Variants in CACNA2D3 observed in about 807,000 individuals in gnomAD.
The protein encoded by CACNA2D3 is calcium voltage-gated channel auxiliary subunit alpha2delta 3.
A neutral mutation model predicts 160.6 loss-of-function variants in CACNA2D3; 60 were observed. The ratio of observed to expected loss-of-function variants is 0.37; its 90% CI spans 0.30 to 0.46. The LOEUF (loss-of-function observed/expected upper bound fraction) is 0.46, where lower values mean the gene tolerates loss of function less well. Among genes scored for constraint, CACNA2D3 ranks in the 20% least tolerant of loss-of-function variants. The probability of loss-of-function intolerance (pLI) is 1.00; values close to 1 mark genes in which losing one functional copy is unlikely to be tolerated. For missense variants in CACNA2D3, 1,205 were observed against 1,365.0 expected (o/e 0.88, Z 1.85); for synonymous variants, 558 against 492.9 (o/e 1.13, Z -1.75).
rs975067182 is a variant in CACNA2D3 at position 54,655,142 on chromosome 3, A to G, written c.1167+12901A>G. 2.0e-5 allele frequency among the ~76,000 whole-genome samples: 3 copies of G among 152,168 alleles called. 1 individual carries two copies. Among genetic ancestry groups the G allele is most frequent in the Non-Finnish European group, 4.4e-5 (3 of 68,034 alleles). ...CTGCATGAATTCTGTATTATTTGCA[A>G]TCTACTGATATGTCAAGTTCTTATT... On this transcript the variant is annotated intron_variant, in intron 11 of 37. Transcript: ENST00000474759.
intron 13 of CACNA2D3, among the ~76,000 whole-genome samples, chr3:54,770,892 A>G (rs1702308162): frequency 6.6e-6 from 1 of 152,228 alleles, no homozygotes; most frequent in Non-Finnish European, 1.5e-5. Flanking sequence ...AAAGACTGTA[A>G]AGAAAGTTGC....
intron 2 of CACNA2D3, among the ~76,000 whole-genome samples, chr3:54,158,101 G>A (rs767155206): frequency 6.6e-6 from 1 of 152,216 alleles, no homozygotes; most frequent in Non-Finnish European, 1.5e-5. Context: ...GGTTCCTTCA[G>A]TCTGGCTACT....
At chr3:54,933,672 A>G (rs976063847) in intron 27 of CACNA2D3, among the ~76,000 whole-genome samples, 7 of 152,188 alleles carry the variant, frequency 4.6e-5, no homozygotes, top group African/African-American at 1.7e-4. Flanking sequence ...TTAAGTTTCA[A>G]ATGACCTGTT....
chr3:54,816,736 G>T, intron 13 of CACNA2D3, 117 bp from the exon 14 acceptor site: 3 of 1,089,786 alleles, frequency 2.8e-6, no homozygotes, highest in Non-Finnish European at 4.0e-6. Flanking sequence ...TTTTTCACTT[G>T]TCTCCCCATT....
At chr3:55,015,448 T>C (rs1358883390) in intron 34 of CACNA2D3, among the ~76,000 whole-genome samples, 1 of 152,248 alleles carries the variant, frequency 6.6e-6, no homozygotes, top group Admixed American at 6.5e-5. Flanking sequence ...GGACAGCATC[T>C]GGAACGCAGC....
intron 4 of CACNA2D3, among the ~76,000 whole-genome samples, chr3:54,497,409 A>G (rs904414787): frequency 1.3e-5 from 2 of 151,912 alleles, no homozygotes; most frequent in Non-Finnish European, 2.9e-5. Flanking sequence ...TTCCAGTTCA[A>G]TTTCCAACTG....
At chr3:54,530,044 C>G (rs1041428917) in intron 5 of CACNA2D3, among the ~76,000 whole-genome samples, 4 of 152,182 alleles carry the variant, frequency 2.6e-5, no homozygotes, top group Non-Finnish European at 4.4e-5. Flanking sequence ...TTCTAAGCAG[C>G]TTGCAGGAAA....
At chr3:54,405,424 G>A (rs1699557789) in intron 4 of CACNA2D3, among the ~76,000 whole-genome samples, 1 of 151,958 alleles carries the variant, frequency 6.6e-6, no homozygotes, top group African/African-American at 2.4e-5. Context: ...CCAAACATAT[G>A]TGGTCAACTA....
chr3:54,793,106 G>C (rs74815087), intron 13 of CACNA2D3, among the ~76,000 whole-genome samples: 3,127 of 152,314 alleles, frequency 0.021, 118 homozygotes, highest in African/African-American at 0.071. Context: ...TTTGTATAAA[G>C]AGGAAAAGGA....
chr3:54,284,286 TAAATTAAAA>T (rs1187454737), intron 2 of CACNA2D3, among the ~76,000 whole-genome samples: 7 of 151,306 alleles, frequency 4.6e-5, no homozygotes, highest in African/African-American at 1.4e-4. Context: ...AAAATAAAAT[TAAATTAAAA>T]AAATTAAAAA....
At chr3:54,797,428 T>A (rs1328374669) in intron 13 of CACNA2D3, among the ~76,000 whole-genome samples, 3 of 152,166 alleles carry the variant, frequency 2.0e-5, no homozygotes, top group Non-Finnish European at 4.4e-5. Context: ...TGTGATTAAC[T>A]ATCTTTAGGG....
chr3:54,215,155 T>A (rs1701438163), intron 2 of CACNA2D3, among the ~76,000 whole-genome samples: 1 of 152,224 alleles, frequency 6.6e-6, no homozygotes, highest in South Asian at 2.1e-4. Flanking sequence ...AGAAAAGTTC[T>A]GTCCCCATTT....
intron 4 of CACNA2D3, among the ~76,000 whole-genome samples, chr3:54,431,725 A>T (rs982132235): frequency 6.6e-6 from 1 of 152,108 alleles, no homozygotes; most frequent in African/African-American, 2.4e-5. Context: ...CTTGTGCCTT[A>T]GCCTCCAGAG....
intron 27 of CACNA2D3, among the ~76,000 whole-genome samples, chr3:54,913,424 A>G (rs1700598600): frequency 1.3e-5 from 2 of 152,126 alleles, no homozygotes; most frequent in African/African-American, 4.8e-5. Context: ...AATGGGAAAT[A>G]CTTATTGGCT....
At chr3:54,536,685 A>G (rs1351327149) in intron 5 of CACNA2D3, among the ~76,000 whole-genome samples, 1 of 152,240 alleles carries the variant, frequency 6.6e-6, no homozygotes, top group Non-Finnish European at 1.5e-5. Context: ...AGGCCCCAAA[A>G]GCAGAGAATG....
intron 18 of CACNA2D3, 48 bp from the exon 19 acceptor site, chr3:54,878,970 C>T (rs1699727975): frequency 3.3e-6 from 4 of 1,214,802 alleles, no homozygotes; most frequent in Non-Finnish European, 3.5e-6. Context: ...GTCCAGATTA[C>T]ATGATAACCC....
chr3:54,641,818 A>C (rs545723735), intron 10 of CACNA2D3, among the ~76,000 whole-genome samples: 4 of 152,106 alleles, frequency 2.6e-5, no homozygotes, highest in Non-Finnish European at 5.9e-5. Flanking sequence ...GGTATGTCTG[A>C]CCCTTCCCCC....
chr3:54,528,427 TTTATATATTGGGTTATTCTTCAATTC>T (rs147583373), intron 5 of CACNA2D3, among the ~76,000 whole-genome samples: 98,644 of 151,434 alleles, frequency 0.65, 32,423 homozygotes, highest in African/African-American at 0.7. Flanking sequence ...AGATGTAGTC[TTTATATATTGGGTTATTCTTCAATTC>T]TAACCACAAC....
chr3:55,012,652 G>A (rs1703234636), intron 34 of CACNA2D3, among the ~76,000 whole-genome samples: 1 of 152,140 alleles, frequency 6.6e-6, no homozygotes, highest in Non-Finnish European at 1.5e-5. Flanking sequence ...CATTTTTGCT[G>A]TCATAGCATG....
Sources: allele counts gnomAD v4.1 joint callset (sites outside exome capture counted in the v4.1 genomes callset), GRCh38; gene constraint gnomAD v4.1.1; transcripts MANE v1.5; gene names NCBI Gene and HGNC (gene_info 2026-07-23, HGNC 2026-07-21).